WDR27: variants seen among roughly 807,000 people sequenced by gnomAD.
The protein encoded by WDR27 is WD repeat domain 27, also known as WD repeat-containing protein 27.
WDR27 carries 100 observed loss-of-function variants against 114.4 expected under a neutral mutation model. That is an observed-to-expected ratio of 0.87 (90% CI 0.74 to 1.03). The LOEUF is 1.03. Ranked by LOEUF, WDR27 falls within the 50% of genes least tolerant of loss-of-function variation. The probability of loss-of-function intolerance (pLI) is 0.00; values close to 1 mark genes in which losing one functional copy is unlikely to be tolerated. For synonymous variants in WDR27, 449 were observed against 423.1 expected (o/e 1.06, Z -0.75); for missense variants, 1,129 against 1,092.9 (o/e 1.03, Z -0.47).
chr6:169,460,443 T>C (rs907379991), intron 25 of WDR27, among the ~76,000 whole-genome samples: 9 of 152,020 alleles, frequency 5.9e-5, no homozygotes, highest in African/African-American at 1.9e-4. Context: ...AAAATATACA[T>C]AAAAGAAATT....
chr6:169,583,447 A>G (rs911511209), intron 23 of WDR27, among the ~76,000 whole-genome samples: 2 of 148,234 alleles, frequency 1.3e-5, no homozygotes, highest in Non-Finnish European at 3.0e-5. Flanking sequence ...CTGTTGATAA[A>G]TAAGTTCCTC....
chr6:169,540,921 G>A (rs1440311098), intron 25 of WDR27, among the ~76,000 whole-genome samples: 2 of 152,114 alleles, frequency 1.3e-5, no homozygotes, highest in Admixed American at 1.3e-4. Context: ...TTTTATTGGT[G>A]TATCTGCTCA....
chr6:169,668,081 C>G lies in WDR27; in HGVS notation c.561G>C (p.Arg187=), dbSNP rs770140682. 34 of 1,613,836 alleles carry G rather than the reference C, an allele frequency of 2.1e-5. No homozygotes were observed. Among genetic ancestry groups the G allele is most frequent in the Admixed American group, 1.0e-4 (6 of 60,008 alleles). The part of the protein sequence containing the change: ...LHTFSQTQAV[R]AELQGHLGPV... Reference sequence around the variant, plus strand: ...GGCCCAGGTGGCCCTGCAGCTCGGCCCGAACAGCCTGAGTCTGAGAGAATG... The same window carrying G: ...GGCCCAGGTGGCCCTGCAGCTCGGCGCGAACAGCCTGAGTCTGAGAGAATG... The change falls in exon 5 of 26, where the codon CGG becomes CGC. Residue 187 remains arginine, a synonymous_variant. Coordinates refer to ENST00000448612, the MANE Select transcript of WDR27 (RefSeq NM_182552.5).
In WDR27 at chr6:169,634,471, T is replaced by C; in HGVS notation, c.2058A>G (p.Ala686=). ...CTGCCGATAAACTGGTCATGTCTAC[T>C]GCACCCGTCGTGGAGAGCCTGCAAA... ...KLICRLSTTG[A]VDMTSLSAVN... is the part of the protein sequence containing the mutation. Residue 686 remains alanine, a synonymous_variant, in exon 20 of 26, where the codon GCA becomes GCG. Coordinates refer to ENST00000448612, the MANE Select transcript of WDR27 (RefSeq NM_182552.5). 1 of 1,613,442 alleles carries C rather than the reference T, an allele frequency of 6.2e-7. No homozygotes were observed.
intron 21 of WDR27, among the ~76,000 whole-genome samples, chr6:169,617,270 T>C (rs1371473369): frequency 6.6e-6 from 1 of 152,140 alleles, no homozygotes. Context: ...CTGTGCCAGA[T>C]TTTATAGGCA....
chr6:169,590,799 TAAA>T (rs1316876971), intron 23 of WDR27, among the ~76,000 whole-genome samples: 2 of 152,198 alleles, frequency 1.3e-5, no homozygotes, highest in African/African-American at 4.8e-5. Flanking sequence ...TGGACAGTGG[TAAA>T]TACCTGAGGC....
At chr6:169,575,979 G>A (rs1164273438) in intron 24 of WDR27, among the ~76,000 whole-genome samples, 1 of 152,230 alleles carries the variant, frequency 6.6e-6, no homozygotes, top group East Asian at 1.9e-4. Context: ...CATCTGCCAT[G>A]CGTTCCTGAA....
intron 25 of WDR27, among the ~76,000 whole-genome samples, chr6:169,555,326 AG>A (rs1478512818): frequency 6.6e-6 from 1 of 152,036 alleles, no homozygotes; most frequent in Non-Finnish European, 1.5e-5. Context: ...ACACATTCCA[AG>A]CAAAGAAGAG....
Position 169,701,901 on chromosome 6 carries a change from C to T in WDR27, c.-358G>A, listed in dbSNP as rs565201848. ...TTCGGCGCCGACTCCGCGCCGAGAC[C>T]AGCCCGCTAGGGGAGGACTCACAGC... is the stretch of plus-strand genomic sequence containing the variant. On this transcript the variant is annotated 5_prime_UTR_variant, in exon 1 of 26. Transcript: ENST00000448612. 1.6e-4 allele frequency: 55 copies of T among 341,434 alleles called. No individual in the cohort carries two copies. Among genetic ancestry groups the T allele is most frequent in the African/African-American group, 1.2e-3 (53 of 44,928 alleles). 21.2% of individuals were successfully genotyped at this position (341,434 alleles called of 1,614,324 possible). A position where few individuals can be genotyped will look rare whatever the true frequency, so the allele number is the denominator to read the frequency against.
intron 6 of WDR27, 106 bp from the exon 7 acceptor site, chr6:169,665,662 G>GC: frequency 9.4e-7 from 1 of 1,065,546 alleles, no homozygotes; most frequent in East Asian, 2.7e-5. Context: ...TTTACTTACA[G>GC]TATTTCTGTT....
In WDR27 at chr6:169,582,833, T is replaced by C. The variant is rs1803732191; in HGVS notation, c.2523+3A>G. 1 of 1,613,248 alleles carries C rather than the reference T, an allele frequency of 6.2e-7. No homozygotes were observed. The highest frequency in any genetic ancestry group is 8.5e-7 in the Non-Finnish European group (1 of 1,179,542). On this transcript the variant is annotated splice_donor_region_variant and intron_variant, in intron 24 of 25. Coordinates refer to ENST00000448612, the MANE Select transcript of WDR27 (RefSeq NM_182552.5). ...GCGCCCCACCCACTCAGCAAGACTG[T>C]ACCTGGGGCGCTGATGGGTTGAAGG...
At chr6:169,621,706 G>T (rs1045672816) in intron 21 of WDR27, among the ~76,000 whole-genome samples, 2 of 141,190 alleles carry the variant, frequency 1.4e-5, no homozygotes, top group African/African-American at 5.3e-5. Flanking sequence ...ACCCACACAT[G>T]CATTCACGCA....
chr6:169,508,365 T>C (rs1203015738), intron 25 of WDR27, among the ~76,000 whole-genome samples: 1 of 152,236 alleles, frequency 6.6e-6, no homozygotes, highest in Non-Finnish European at 1.5e-5. Context: ...TCATGGTTGA[T>C]TGCAGCAGCC....
intron 25 of WDR27, among the ~76,000 whole-genome samples, chr6:169,500,820 A>G (rs1583807935): frequency 6.6e-6 from 1 of 152,142 alleles, no homozygotes; most frequent in African/African-American, 2.4e-5. Flanking sequence ...TTGACTGGAA[A>G]CCTAAGCAGC....
chr6:169,699,890 G>A (rs1479860813), intron 1 of WDR27, among the ~76,000 whole-genome samples: 1 of 152,150 alleles, frequency 6.6e-6, no homozygotes, highest in Non-Finnish European at 1.5e-5. Flanking sequence ...GCTGAGGTGG[G>A]AGGATCGTTT....
the WDR27 span, among the ~76,000 whole-genome samples, chr6:169,440,189 A>C: frequency 6.6e-6 from 1 of 152,136 alleles, no homozygotes; most frequent in African/African-American, 2.4e-5. Flanking sequence ...TTTTGTAAAA[A>C]TTGGGCTGTC....
Position 169,634,529 on chromosome 6 carries a change from G to A in WDR27, c.2004-4C>T, listed in dbSNP as rs773156931. The A allele has an allele frequency of 1.9e-6, 3 of 1,601,820 alleles. No homozygotes were observed. Among genetic ancestry groups the A allele is most frequent in the Non-Finnish European group, 2.6e-6 (3 of 1,173,034 alleles). ...GGACTTGCTCTTCTGTTTATATCTG[G>A]AAGAGAAAATCAAGATGATCAATAT... is the stretch of plus-strand genomic sequence containing the variant. On this transcript the variant is annotated splice_region_variant and splice_polypyrimidine_tract_variant and intron_variant, in intron 19 of 25. Transcript: ENST00000448612.
chr6:169,696,153 T>C (rs865932946), intron 1 of WDR27, among the ~76,000 whole-genome samples: 1 of 152,174 alleles, frequency 6.6e-6, no homozygotes. Flanking sequence ...GCCTACAAAA[T>C]GAAAACTGTA....
chr6:169,612,371 GAT>G (rs2128184885), intron 22 of WDR27, among the ~76,000 whole-genome samples: 1 of 152,342 alleles, frequency 6.6e-6, no homozygotes, highest in African/African-American at 2.4e-5. Flanking sequence ...AGTGAGCTGA[GAT>G]CGCGCCACTG....
Sources: gnomAD v4.1 joint callset for allele counts (sites outside exome capture counted in the v4.1 genomes callset) on GRCh38, gnomAD v4.1.1 for gene constraint, MANE v1.5 for transcripts, NCBI Gene and HGNC (gene_info 2026-07-23, HGNC 2026-07-21) for gene names.